The following ANOS1 variants were observed in gnomAD, a reference collection of about 807,000 sequenced individuals.
ANOS1 encodes anosmin-1.
In ANOS1, 6 loss-of-function variants were observed where a neutral mutation model predicts 59.0. The ratio of observed to expected loss-of-function variants is 0.10; its 90% CI spans 0.06 to 0.20. The LOEUF (loss-of-function observed/expected upper bound fraction) is 0.20, where lower values mean the gene tolerates loss of function less well. Among genes scored for constraint, ANOS1 ranks in the 10% least tolerant of loss-of-function variants. The probability of loss-of-function intolerance (pLI) is 1.00; values close to 1 mark genes in which losing one functional copy is unlikely to be tolerated. For synonymous variants in ANOS1, 217 were observed against 223.4 expected (o/e 0.97, Z 0.25); for missense variants, 433 against 542.3 (o/e 0.80, Z 2.00).
At chrX:8,559,863 T>G (rs1887321882) in intron 8 of ANOS1, among the ~76,000 whole-genome samples, 1 of 111,628 alleles carries the variant, frequency 9.0e-6, no homozygotes, top group Non-Finnish European at 1.9e-5. Flanking sequence ...CTTTAATTTG[T>G]TCCTCAAACT....
chrX:8,725,789 TAAAC>T (rs1435938389), intron 1 of ANOS1, among the ~76,000 whole-genome samples: 1 of 104,964 alleles, frequency 9.5e-6, no homozygotes, highest in Non-Finnish European at 1.9e-5. Context: ...CATAAAGAAA[TAAAC>T]AAGTTAGTAA....
chrX:8,626,954 C>T (rs961630493), intron 2 of ANOS1, among the ~76,000 whole-genome samples: 7 of 111,247 alleles, frequency 6.3e-5, no homozygotes, highest in African/African-American at 2.3e-4. Flanking sequence ...TACATCAATG[C>T]TTTGTCCTCA....
At chrX:8,631,498 C>T (rs1310335202) in intron 2 of ANOS1, among the ~76,000 whole-genome samples, 3 of 111,762 alleles carry the variant, frequency 2.7e-5, no homozygotes, top group East Asian at 2.8e-4. Flanking sequence ...TTGGGCTATG[C>T]GAAAACTAGA....
chrX:8,573,699 T>C (rs750779157), intron 6 of ANOS1, among the ~76,000 whole-genome samples: 1 of 110,658 alleles, frequency 9.0e-6, no homozygotes, highest in Non-Finnish European at 1.9e-5. Flanking sequence ...CAAAGAAAAA[T>C]CATGATCCCT....
chrX:8,602,821 C>G (rs1278324090), intron 3 of ANOS1, among the ~76,000 whole-genome samples: 1 of 111,030 alleles, frequency 9.0e-6, no homozygotes, highest in Non-Finnish European at 1.9e-5. Flanking sequence ...TCACTGCAAC[C>G]TCCAACTCCC....
At chrX:8,674,335 G>T (rs1346728511) in intron 2 of ANOS1, among the ~76,000 whole-genome samples, 2 of 111,915 alleles carry the variant, frequency 1.8e-5, no homozygotes, top group African/African-American at 6.5e-5. Context: ...GTAAAAAAAT[G>T]CCTACTTAGT....
intron 2 of ANOS1, among the ~76,000 whole-genome samples, chrX:8,631,751 A>G (rs1447939203): frequency 9.0e-6 from 1 of 111,568 alleles, no homozygotes; most frequent in African/African-American, 3.3e-5. Flanking sequence ...ATATGAAAAC[A>G]ATGAATTTTA....
intron 2 of ANOS1, among the ~76,000 whole-genome samples, chrX:8,650,544 G>A (rs955692167): frequency 8.9e-6 from 1 of 111,913 alleles, no homozygotes; most frequent in Non-Finnish European, 1.9e-5. Flanking sequence ...ATGGTGAAAC[G>A]TCGTCTCTAC....
At chrX:8,676,623 C>T (rs1268615434) in intron 2 of ANOS1, among the ~76,000 whole-genome samples, 2 of 112,005 alleles carry the variant, frequency 1.8e-5, no homozygotes, top group African/African-American at 6.5e-5. Context: ...GTAACACGGT[C>T]ATGGTCTAGC....
chrX:8,581,103 T>TA (rs200635385), intron 6 of ANOS1, among the ~76,000 whole-genome samples: 6,408 of 111,486 alleles, frequency 0.057, 481 homozygotes, highest in African/African-American at 0.2. Context: ...ATACACCTGA[T>TA]ATGGTTTGGC....
intron 3 of ANOS1, among the ~76,000 whole-genome samples, chrX:8,600,956 C>T (rs751814188): frequency 9.0e-5 from 10 of 110,862 alleles, no homozygotes; most frequent in East Asian, 2.9e-4. Flanking sequence ...TTTGGGAGGC[C>T]GAGGCAGGTG....
intron 3 of ANOS1, among the ~76,000 whole-genome samples, chrX:8,613,811 G>T (rs5934458): frequency 9.1e-6 from 1 of 110,342 alleles, no homozygotes; most frequent in African/African-American, 3.3e-5. Context: ...CATAAACATG[G>T]CTATCCCTAA....
chrX:8,565,089 T>C (rs1486808372), intron 8 of ANOS1, among the ~76,000 whole-genome samples: 1 of 112,002 alleles, frequency 8.9e-6, no homozygotes, highest in Non-Finnish European at 1.9e-5. Context: ...GACAAGGCTC[T>C]AGATAATGTA....
intron 2 of ANOS1, among the ~76,000 whole-genome samples, chrX:8,653,831 A>T (rs749973858): frequency 8.9e-6 from 1 of 112,186 alleles, no homozygotes; most frequent in South Asian, 3.8e-4. Flanking sequence ...TTCAGCACAC[A>T]GTAGGTATTC....
In ANOS1 at chrX:8,570,361, C is replaced by T. The variant is rs142342257; in HGVS notation, c.1062+138G>A. ...TGCCCCTGCATTCTGTGAACTTCCT[C>T]GGTAGAAATGAATGGGAGGGAAGCT... On this transcript the variant is annotated intron_variant, in intron 7 of 13. Coordinates refer to ENST00000262648, the MANE Select transcript of ANOS1 (RefSeq NM_000216.4). 247 of 572,353 alleles carry T rather than the reference C, an allele frequency of 4.3e-4. No homozygotes were observed. The African/African-American group carries it at 4.8e-3, about 11-fold the overall frequency. The allele number at this position is 572,353 out of a possible 1,213,427, so 47.2% of individuals were successfully genotyped here.
rs775567945 is a variant in ANOS1, at chrX:8,587,991, C to T, written c.542-13G>A. Reference sequence around the variant, plus strand: ...TTCAGGGGGACACCTGAAACAGGACCGTATCAATTAAAACAATCTGCGTGT... The same window carrying T: ...TTCAGGGGGACACCTGAAACAGGACTGTATCAATTAAAACAATCTGCGTGT... On this transcript the variant is annotated splice_polypyrimidine_tract_variant and intron_variant, in intron 4 of 13. Coordinates refer to ENST00000262648, the MANE Select transcript of ANOS1 (RefSeq NM_000216.4). The T allele has an allele frequency of 1.6e-5, 19 of 1,192,797 alleles. No homozygotes were observed. Among genetic ancestry groups the T allele is most frequent in the Non-Finnish European group, 1.9e-5 (17 of 880,096 alleles).
intron 2 of ANOS1, among the ~76,000 whole-genome samples, chrX:8,663,414 T>A (rs1012103765): frequency 1.8e-5 from 2 of 111,756 alleles, no homozygotes; most frequent in African/African-American, 6.5e-5. Flanking sequence ...CTGCAGGCAG[T>A]AGTTTGCTGA....
intron 9 of ANOS1, among the ~76,000 whole-genome samples, chrX:8,549,079 T>A (rs1480003818): frequency 8.9e-6 from 1 of 112,114 alleles, no homozygotes; most frequent in Admixed American, 9.5e-5. Flanking sequence ...AGGTCACTCC[T>A]TGCCTTTGGA....
At chrX:8,684,422 C>T (rs747889488) in intron 2 of ANOS1, among the ~76,000 whole-genome samples, 6 of 111,055 alleles carry the variant, frequency 5.4e-5, no homozygotes, top group Non-Finnish European at 7.5e-5. Flanking sequence ...GGCTGCTTGC[C>T]GGCCGTAATG....
Sources: gnomAD v4.1 joint callset for allele counts (sites outside exome capture counted in the v4.1 genomes callset) on GRCh38, gnomAD v4.1.1 for gene constraint, MANE v1.5 for transcripts, NCBI Gene and HGNC (gene_info 2026-07-23, HGNC 2026-07-21) for gene names.